HELZ2: variants seen among roughly 807,000 people sequenced by gnomAD.
HELZ2 encodes the protein 3'-5' exoribonuclease HELZ2.
In HELZ2, 143 loss-of-function variants were observed where a neutral mutation model predicts 208.8. The ratio of observed to expected loss-of-function variants is 0.68; its 90% CI spans 0.60 to 0.79. The LOEUF is 0.79. HELZ2 is among the 30% of genes least tolerant of loss of function. HELZ2 has a pLI of 0.00. For missense variants in HELZ2, 3,690 were observed against 3,794.5 expected, an observed-to-expected ratio of 0.97 and a Z score of 0.72; for synonymous variants, 1,705 against 1,693.7, an observed-to-expected ratio of 1.01 and a Z score of -0.16.
exon 9 of HELZ2, chr20:63,562,318 C>A: frequency 6.3e-7 from 1 of 1,599,370 alleles, no homozygotes. Context: ...ACAGGCCGGC[C>A]CAGTGCGATG....
chr20:63,570,366 C>T, intron 3 of HELZ2, 138 bp downstream of exon 4: 3 of 749,438 alleles, frequency 4.0e-6, no homozygotes, highest in East Asian at 5.4e-5. Flanking sequence ...GGCTAAGGGA[C>T]CTGCTGCAGG....
rs759835133 is a variant in HELZ2, at chr20:63,565,094, C to G, written c.3728G>C (p.Arg1243Pro). 3 of 1,563,720 alleles carry G rather than the reference C, an allele frequency of 1.9e-6. No homozygotes were observed. In the Admixed American group the frequency reaches 5.7e-5, roughly 30 times the overall value. ...CCCCACACGCTGCAGCCGGCCCTTC[C>G]GGAGGCTGTAGATGGGGACCTGCGA... Residue 1243 changes from arginine to proline, a missense_variant, in exon 8 of 19, where the codon CGG becomes CCG. Coordinates refer to ENST00000467148, the Ensembl canonical transcript of HELZ2.
chr20:63,564,773 G>A, exon 8 of HELZ2: 1 of 1,612,044 alleles, frequency 6.2e-7, no homozygotes, highest in Non-Finnish European at 8.5e-7. Flanking sequence ...GAGGTTGCAG[G>A]CGCCCTGGGG....
intron 5 of HELZ2, chr20:63,568,135 T>C (rs1290565306): frequency 4.8e-5 from 28 of 585,148 alleles, no homozygotes; most frequent in Non-Finnish European, 8.1e-5. Context: ...GACACTCTCC[T>C]TGGGCCAGGG....
At chr20:63,565,385 G>T in exon 8 of HELZ2, 1 of 1,609,566 alleles carries the variant, frequency 6.2e-7, no homozygotes. Flanking sequence ...ATCGTCCAGC[G>T]GGATGGCTGA....
exon 10 of HELZ2, chr20:63,562,118 G>A (rs1284149482): frequency 3.1e-6 from 5 of 1,612,570 alleles, no homozygotes; most frequent in East Asian, 4.5e-5. Flanking sequence ...GAGCCTCCCT[G>A]ACCGCCACGT....
At chr20:63,560,565 C>A (rs748230640) in exon 16 of HELZ2, 2 of 1,612,894 alleles carry the variant, frequency 1.2e-6, no homozygotes, top group South Asian at 2.2e-5. Context: ...TGGCCCTGCA[C>A]GTGGCCAAAG....
chr20:63,570,804 A>G (rs746616312), exon 2 of HELZ2: 1 of 1,610,550 alleles, frequency 6.2e-7, no homozygotes, highest in Non-Finnish European at 8.5e-7. Context: ...CGCCGGACCC[A>G]CTCCTGCAGC....
exon 8 of HELZ2, chr20:63,565,024 C>A (rs1214064090): frequency 2.0e-5 from 31 of 1,581,912 alleles, no homozygotes; most frequent in Non-Finnish European, 2.5e-5. Flanking sequence ...CAATTTGGAC[C>A]CAGAAGAGCC....
exon 8 of HELZ2, chr20:63,563,101 C>T (rs778133357): frequency 2.0e-5 from 32 of 1,595,440 alleles, no homozygotes; most frequent in Non-Finnish European, 2.5e-5. Flanking sequence ...GGCTGAAGCC[C>T]GGTGCCACCG....
exon 8 of HELZ2, chr20:63,565,370 G>A (rs1388886641): frequency 1.2e-6 from 2 of 1,608,316 alleles, no homozygotes; most frequent in South Asian, 1.1e-5. Flanking sequence ...GGGGCCCGAG[G>A]AGGCATCGTC....
exon 1 of HELZ2, chr20:63,572,348 T>A: frequency 6.4e-7 from 1 of 1,570,534 alleles, no homozygotes; most frequent in Admixed American, 1.8e-5. Flanking sequence ...GTCCCCCCGC[T>A]GGAGGCCACC....
downstream of HELZ2, chr20:63,558,892 C>T (rs2082844454): frequency 1.0e-5 from 2 of 199,638 alleles, no homozygotes; most frequent in East Asian, 1.1e-4. Flanking sequence ...CCACAGACAC[C>T]ATCCAGAGTG....
chr20:63,563,259 G>A lies in HELZ2; in HGVS notation c.5563C>T (p.Gln1855Ter), dbSNP rs913623527. 65 of 1,557,812 alleles carry A rather than the reference G, an allele frequency of 4.2e-5. No individual in the cohort carries two copies. The highest frequency in any genetic ancestry group is 5.1e-5 in the Non-Finnish European group (59 of 1,159,152). Residue 1855 changes from glutamine (Q) to a stop codon, truncating the protein, a stop_gained, in exon 8 of 19, where the codon CAG (glutamine) becomes TAG (stop). Transcript: ENST00000467148. LOFTEE classifies it high-confidence loss of function. The stretch of plus-strand genomic sequence containing the variant: ...TGCACCTGCACCAGCTCCCGCCGCT[G>A]GGACGCCTCGCCCTTCTCCTGGATG...
At chr20:63,561,793 C>G in intron 11 of HELZ2, 30 bp downstream of exon 12, 1 of 1,555,372 alleles carries the variant, frequency 6.4e-7, no homozygotes, top group Non-Finnish European at 8.7e-7. Context: ...GCCAGCTCCC[C>G]AAAGGCCCCC....
At position 63,559,380 on chromosome 20, in the gene HELZ2, T is replaced by A; in HGVS notation, c.7826-10A>T. ...AGAAGGAGGTGGTCTCCTGTGAGGG[T>A]GGGAGTCAGATGGGAGTCAGTCAGG... On this transcript the variant is annotated splice_polypyrimidine_tract_variant and intron_variant, in intron 18 of 18. Transcript: ENST00000467148. 3 of 1,580,972 alleles carry A rather than the reference T, an allele frequency of 1.9e-6. No homozygotes were observed. Among genetic ancestry groups the A allele is most frequent in the Non-Finnish European group, 2.6e-6 (3 of 1,159,964 alleles).
rs190610280 is a variant in HELZ2, at chr20:63,565,193, G to A, written c.3629C>T (p.Thr1210Met). The A allele has an allele frequency of 2.3e-5, 37 of 1,606,964 alleles. No homozygotes were observed. The highest frequency in any genetic ancestry group is 9.3e-5 in the African/African-American group (7 of 75,002). The change falls in exon 8 of 19, where the codon ACG becomes ATG. Residue 1210 changes from threonine (T) to methionine (M), a missense_variant. Physicochemically the swap from Thr to Met is moderately conservative, Grantham distance 81. Around this residue, in one of 3 missense-constraint regions of HELZ2, gnomAD observed 2,564 missense variants for 2,580.5 expected, o/e 0.99. Coordinates refer to ENST00000467148, the Ensembl canonical transcript of HELZ2. ...GGGGACCATGATGCGCGGGTCCCAC[G>A]TGTCCATGCGGCACACAAACGCCAG...
At chr20:63,564,023 G>T in exon 8 of HELZ2, 1 of 1,604,998 alleles carries the variant, frequency 6.2e-7, no homozygotes. Context: ...CCAGAGGGAG[G>T]CCAGGAGGTG....
At position 63,566,222 on chromosome 20, in the gene HELZ2, AACTGCCGCCCTGCAGGGGGCACG is replaced by A. The variant is rs2082955621; in HGVS notation, c.2591-14_2599del. 6.7e-7 allele frequency: 1 copy of A among 1,488,368 alleles called. No homozygotes were observed. Among genetic ancestry groups the A allele is most frequent in the Non-Finnish European group, 8.9e-7 (1 of 1,117,728 alleles). 92.2% of individuals were successfully genotyped at this position (1,488,368 alleles called of 1,614,324 possible). ...CACAGTGCTGAGCACCACGACCCGGAACTGCCGCCCTGCAGGGGGCACGCAGTCAGGTCAGGCTGGGTGCGCAA... is the reference window on the plus strand; with the variant it reads ...CACAGTGCTGAGCACCACGACCCGGACAGTCAGGTCAGGCTGGGTGCGCAA... On this transcript the variant is annotated splice_acceptor_variant and splice_polypyrimidine_tract_variant and coding_sequence_variant and intron_variant, in exon 8 of 19. Transcript: ENST00000467148. LOFTEE classifies it high-confidence loss of function.
Sources: allele counts gnomAD v4.1 joint callset, GRCh38; gene constraint gnomAD v4.1.1; regional missense constraint gnomAD v4.1.1; transcripts MANE v1.5; gene names NCBI Gene and HGNC (gene_info 2026-07-23, HGNC 2026-07-21).